INPP4B: variants seen among roughly 807,000 people sequenced by gnomAD.
INPP4B encodes inositol polyphosphate 4-phosphatase type II.
INPP4B carries 55 observed loss-of-function variants against 122.5 expected under a neutral mutation model. That is an observed-to-expected ratio of 0.45 (90% CI 0.36 to 0.56). The LOEUF (loss-of-function observed/expected upper bound fraction) is 0.56, where lower values mean the gene tolerates loss of function less well. INPP4B is among the 20% of genes least tolerant of loss of function. INPP4B has a pLI of 0.00. For synonymous variants in INPP4B, 403 were observed against 388.7 expected (o/e 1.04, Z -0.43); for missense variants, 1,000 against 1,097.7 (o/e 0.91, Z 1.26).
intron 5 of INPP4B, 30 bp from the exon 6 acceptor site, chr4:142,405,354 A>G (rs751270808): frequency 3.9e-6 from 5 of 1,290,914 alleles, no homozygotes; most frequent in Non-Finnish European, 5.6e-6. Context: ...CAGAAAGAAA[A>G]GAAACTAACA....
At chr4:142,198,201 T>G (rs1320212633) in intron 14 of INPP4B, among the ~76,000 whole-genome samples, 2 of 152,068 alleles carry the variant, frequency 1.3e-5, no homozygotes, top group Non-Finnish European at 2.9e-5. Flanking sequence ...ATTCATTCAC[T>G]AAACAAACAC....
intron 1 of INPP4B, among the ~76,000 whole-genome samples, chr4:142,819,089 G>A (rs1310906925): frequency 6.6e-6 from 1 of 152,166 alleles, no homozygotes; most frequent in African/African-American, 2.4e-5. Flanking sequence ...ATTTACCCTA[G>A]AAGGAAGAGA....
At chr4:142,674,698 G>T (rs559940139) in intron 2 of INPP4B, among the ~76,000 whole-genome samples, 1 of 152,246 alleles carries the variant, frequency 6.6e-6, no homozygotes, top group South Asian at 2.1e-4. Context: ...AATGAAATTA[G>T]ACCTCAGGAT....
At chr4:142,647,560 T>C (rs906486491) in intron 2 of INPP4B, among the ~76,000 whole-genome samples, 12 of 152,150 alleles carry the variant, frequency 7.9e-5, no homozygotes, top group Admixed American at 7.9e-4. Context: ...AAATAGACAG[T>C]GTCCCCAGAG....
chr4:142,744,247 A>G (rs1244922171), intron 1 of INPP4B, among the ~76,000 whole-genome samples: 1 of 151,982 alleles, frequency 6.6e-6, no homozygotes, highest in East Asian at 1.9e-4. Flanking sequence ...TGAAAGAGAA[A>G]TCAGTTGAAG....
chr4:142,190,356 A>G (rs1364875807), intron 15 of INPP4B, among the ~76,000 whole-genome samples: 1 of 152,122 alleles, frequency 6.6e-6, no homozygotes, highest in African/African-American at 2.4e-5. Context: ...TTTTACTTCT[A>G]TACATTGCTG....
At chr4:142,446,627 C>T (rs1046956213) in intron 3 of INPP4B, among the ~76,000 whole-genome samples, 9 of 152,048 alleles carry the variant, frequency 5.9e-5, no homozygotes, top group African/African-American at 2.2e-4. Context: ...TGTCCATCAA[C>T]AAGAAGGTAG....
intron 1 of INPP4B, among the ~76,000 whole-genome samples, chr4:142,815,954 A>T (rs908291526): frequency 2.0e-5 from 3 of 152,226 alleles, no homozygotes; most frequent in African/African-American, 7.2e-5. Context: ...TTGTCCACTT[A>T]CTGTGTAAAG....
intron 25 of INPP4B, among the ~76,000 whole-genome samples, chr4:142,047,579 G>A (rs540911733): frequency 6.6e-5 from 10 of 152,142 alleles, no homozygotes; most frequent in Non-Finnish European, 1.5e-4. Context: ...ATGGGGTGTA[G>A]AGTAGAGATT....
In INPP4B at chr4:142,623,117, C is replaced by T. The variant is rs186550341; in HGVS notation, c.-191+102722G>A. On this transcript the variant is annotated intron_variant, in intron 2 of 25. Transcript: ENST00000262992. ...AAACTCCAGAGTCAAATCGCCTTTA[C>T]TTCTCCCTCTGATTTCCTTATCTGA... Among the ~76,000 whole-genome samples the T allele has an allele frequency of 6.5e-4, 99 of 152,076 alleles. 1 individual carries two copies. The East Asian group carries it at 0.013, about 20-fold the overall frequency.
At chr4:142,255,606 A>G (rs1006566249) in intron 11 of INPP4B, among the ~76,000 whole-genome samples, 2 of 152,218 alleles carry the variant, frequency 1.3e-5, no homozygotes, top group Non-Finnish European at 2.9e-5. Context: ...AGCGACAAAG[A>G]AGGCCATTAC....
At chr4:142,465,657 G>A (rs1817625363) in intron 2 of INPP4B, among the ~76,000 whole-genome samples, 1 of 152,114 alleles carries the variant, frequency 6.6e-6, no homozygotes, top group South Asian at 2.1e-4. Flanking sequence ...GGGTTTGGAT[G>A]TTTGTCAACT....
chr4:142,389,723 G>A (rs148620710), intron 7 of INPP4B, among the ~76,000 whole-genome samples: 5 of 152,286 alleles, frequency 3.3e-5, no homozygotes, highest in African/African-American at 4.8e-5. Flanking sequence ...AATAACTTAT[G>A]AGATTTTTTA....
chr4:142,570,465 A>C (rs1158515315), intron 2 of INPP4B, among the ~76,000 whole-genome samples: 1 of 151,950 alleles, frequency 6.6e-6, no homozygotes, highest in Admixed American at 6.6e-5. Flanking sequence ...GTAAAATACA[A>C]ATGGAAAGTT....
chr4:142,049,251 A>G (rs760322726), intron 25 of INPP4B, among the ~76,000 whole-genome samples: 14 of 152,098 alleles, frequency 9.2e-5, no homozygotes, highest in Non-Finnish European at 1.8e-4. Context: ...TACTTTCAGC[A>G]AAAGAGTATC....
At chr4:142,289,312 T>G (rs1755316879) in intron 9 of INPP4B, among the ~76,000 whole-genome samples, 2 of 152,248 alleles carry the variant, frequency 1.3e-5, no homozygotes, top group African/African-American at 4.8e-5. Flanking sequence ...TAATTCATTC[T>G]TACAAACTTA....
At chr4:142,461,229 T>C (rs1476942189) in intron 3 of INPP4B, among the ~76,000 whole-genome samples, 3 of 152,166 alleles carry the variant, frequency 2.0e-5, no homozygotes, top group Non-Finnish European at 4.4e-5. Context: ...TTCTTTAAAG[T>C]ACTAAAGTAG....
intron 1 of INPP4B, among the ~76,000 whole-genome samples, chr4:142,752,335 T>A (rs1044950524): frequency 6.6e-6 from 1 of 152,072 alleles, no homozygotes; most frequent in Non-Finnish European, 1.5e-5. Context: ...GTCCTGGCAA[T>A]CCTCTCCTAA....
At chr4:142,046,867 G>A (rs1751764574) in intron 25 of INPP4B, among the ~76,000 whole-genome samples, 1 of 151,922 alleles carries the variant, frequency 6.6e-6, no homozygotes, top group South Asian at 2.1e-4. Context: ...GGAAATGAAC[G>A]AGACACCATG....
Sources: gnomAD v4.1 joint callset for allele counts (sites outside exome capture counted in the v4.1 genomes callset) on GRCh38, gnomAD v4.1.1 for gene constraint, MANE v1.5 for transcripts, NCBI Gene and HGNC (gene_info 2026-07-23, HGNC 2026-07-21) for gene names.